Variants in FBXO7 observed in about 807,000 individuals in gnomAD.
FBXO7 encodes the protein F-box only protein 7.
Under a neutral mutation model 50.2 loss-of-function variants are expected in FBXO7, and 31 were observed. That is an observed-to-expected ratio of 0.62 (90% CI 0.46 to 0.83). The LOEUF is 0.83. FBXO7 is among the 40% of genes least tolerant of loss of function. The probability of loss-of-function intolerance (pLI) is 0.00; values close to 1 mark genes in which losing one functional copy is unlikely to be tolerated. For synonymous variants in FBXO7, 256 were observed against 253.1 expected (o/e 1.01, Z -0.11); for missense variants, 667 against 646.6 (o/e 1.03, Z -0.34).
At chr22:32,486,574 C>T (rs1411879958) in intron 4 of FBXO7, among the ~76,000 whole-genome samples, 1 of 152,094 alleles carries the variant, frequency 6.6e-6, no homozygotes, top group Non-Finnish European at 1.5e-5. Flanking sequence ...GGGTTTGAAG[C>T]AATATTCCTG....
intron 1 of FBXO7, among the ~76,000 whole-genome samples, chr22:32,476,213 A>AT (rs1024849683): frequency 6.6e-6 from 1 of 152,112 alleles, no homozygotes; most frequent in African/African-American, 2.4e-5. Flanking sequence ...TTAAAAAAAA[A>AT]ACCCTAAATA....
chr22:32,475,305 G>T, intron 1 of FBXO7, 181 bp downstream of exon 1: 1 of 1,604,096 alleles, frequency 6.2e-7, no homozygotes, highest in Non-Finnish European at 8.5e-7. Flanking sequence ...CGCGGAGCCG[G>T]AGGGTGCAGG....
intron 5 of FBXO7, chr22:32,490,664 G>C (rs758499230): frequency 6.2e-6 from 1 of 162,272 alleles, no homozygotes. Context: ...CTTGAAAAAC[G>C]CTTGACACAG....
intron 4 of FBXO7, 132 bp from the exon 5 acceptor site, chr22:32,487,613 C>T (rs1450863055): frequency 1.7e-5 from 11 of 655,930 alleles, no homozygotes; most frequent in South Asian, 3.6e-5. Flanking sequence ...AAGAAATAGG[C>T]GAAGAACAGT....
chr22:32,475,086 G>T lies in FBXO7; in HGVS notation c.84G>T (p.Ser28=). ...AGCCGACGCTGGGGCATTTGCGCTC[G>T]CACCTGAGGCAGTCCCTGCTGTGCA... is the stretch of plus-strand genomic sequence containing the variant. ...ETEPTLGHLR[S]HLRQSLLCTW... The change falls in exon 1 of 9, where the codon TCG becomes TCT. Residue 28 remains serine (S), a synonymous_variant. Transcript: ENST00000266087. 6.5e-7 allele frequency: 1 copy of T among 1,546,154 alleles called. No individual in the cohort carries two copies.
At chr22:32,487,921 T>G (rs2057509561) in intron 5 of FBXO7, 93 bp downstream of exon 5, 2 of 800,884 alleles carry the variant, frequency 2.5e-6, no homozygotes, top group Non-Finnish European at 4.2e-6. Context: ...GACTGAAAAT[T>G]TCTATATGAG....
At position 32,474,975 on chromosome 22, in the gene FBXO7, C is replaced by T; in HGVS notation, c.-28C>T. On this transcript the variant is annotated 5_prime_UTR_variant, in exon 1 of 9. Transcript: ENST00000266087. The stretch of plus-strand genomic sequence containing the variant: ...CCGTCCCCGTCGCCGCTTCCGGGTC[C>T]AGGCCCCTCGGGCCGCCTGCCGCCG... 1 of 1,528,326 alleles carries T rather than the reference C, an allele frequency of 6.5e-7. No homozygotes were observed. Among genetic ancestry groups the T allele is most frequent in the Non-Finnish European group, 8.8e-7 (1 of 1,142,624 alleles). The allele number at this position is 1,528,326 out of a possible 1,614,324, so 94.7% of individuals were successfully genotyped here. A position where few individuals can be genotyped will look rare whatever the true frequency, so the allele number is the denominator to read the frequency against.
chr22:32,483,606 G>C (rs912032712), intron 2 of FBXO7, among the ~76,000 whole-genome samples: 15 of 152,186 alleles, frequency 9.9e-5, no homozygotes, highest in African/African-American at 3.4e-4. Flanking sequence ...GTTAGTTTCA[G>C]GGAACTTTGA....
intron 7 of FBXO7, among the ~76,000 whole-genome samples, chr22:32,493,698 C>A (rs1001102219): frequency 2.6e-4 from 40 of 152,174 alleles, no homozygotes; most frequent in African/African-American, 9.4e-4. Context: ...ATTATGGTGA[C>A]CTGGTAATTA....
intron 8 of FBXO7, among the ~76,000 whole-genome samples, chr22:32,497,771 G>A (rs5754114): frequency 2.0e-5 from 3 of 152,196 alleles, no homozygotes; most frequent in African/African-American, 7.2e-5. Context: ...AGCCACTTCA[G>A]CCTTTAGCAA....
chr22:32,491,544 T>C (rs921969164), intron 6 of FBXO7: 1 of 173,402 alleles, frequency 5.8e-6, no homozygotes, highest in African/African-American at 2.7e-5. Flanking sequence ...GATACATATA[T>C]ATATGTCTAT....
intron 4 of FBXO7, among the ~76,000 whole-genome samples, chr22:32,486,234 G>GT (rs1403120944): frequency 1.8e-4 from 21 of 115,652 alleles, no homozygotes; most frequent in African/African-American, 5.5e-4. Context: ...AAAAAATGTT[G>GT]GTTTTTTTTT....
chr22:32,476,417 C>T (rs1221363156), intron 1 of FBXO7, among the ~76,000 whole-genome samples: 1 of 152,090 alleles, frequency 6.6e-6, no homozygotes, highest in Non-Finnish European at 1.5e-5. Flanking sequence ...TTAAATTAGG[C>T]AGTCTTGAAA....
chr22:32,475,666 T>G, intron 1 of FBXO7: 2 of 463,184 alleles, frequency 4.3e-6, no homozygotes, highest in East Asian at 4.1e-5. Context: ...CAATTTTAGA[T>G]TCTGTTGTGT....
chr22:32,478,395 A>G (rs1355055516), intron 1 of FBXO7, among the ~76,000 whole-genome samples: 3 of 152,190 alleles, frequency 2.0e-5, no homozygotes, highest in Admixed American at 6.5e-5. Flanking sequence ...TGATTTTAGG[A>G]AGTATCTTAA....
chr22:32,496,218 C>A (rs181130740), intron 8 of FBXO7, among the ~76,000 whole-genome samples: 1 of 152,184 alleles, frequency 6.6e-6, no homozygotes, highest in Non-Finnish European at 1.5e-5. Context: ...TGGTGGCTCA[C>A]GCCTGTAATC....
chr22:32,485,615 T>C (rs921065857), intron 4 of FBXO7, among the ~76,000 whole-genome samples: 4 of 152,154 alleles, frequency 2.6e-5, no homozygotes, highest in Non-Finnish European at 4.4e-5. Flanking sequence ...AACTGAGACA[T>C]GGGGAGCTAG....
chr22:32,475,439 G>T, intron 1 of FBXO7: 1 of 1,607,356 alleles, frequency 6.2e-7, no homozygotes, highest in Non-Finnish European at 8.5e-7. Context: ...CGGAACCAGG[G>T]AGAGGAGGGA....
chr22:32,493,104 G>A lies in FBXO7; in HGVS notation c.968-1G>A, dbSNP rs774925692. On this transcript the variant is annotated splice_acceptor_variant, in intron 6 of 8. Coordinates refer to ENST00000266087, the MANE Select transcript of FBXO7 (RefSeq NM_012179.4). LOFTEE classifies it high-confidence loss of function. ...TGTTACTTCTCTTTTTTTCCTTTTA[G>A]CACTGAACCTACCAGATGTATTTGG... 6.2e-7 allele frequency: 1 copy of A among 1,613,748 alleles called. No individual in the cohort carries two copies. Among genetic ancestry groups the A allele is most frequent in the Non-Finnish European group, 8.5e-7 (1 of 1,179,824 alleles).
Sources: allele counts gnomAD v4.1 joint callset (sites outside exome capture counted in the v4.1 genomes callset), GRCh38; gene constraint gnomAD v4.1.1; transcripts MANE v1.5; gene names NCBI Gene and HGNC (gene_info 2026-07-23, HGNC 2026-07-21).